The following SNTG1 variants were observed in gnomAD, a reference collection of about 807,000 sequenced individuals.
The protein encoded by SNTG1 is gamma-1-syntrophin.
SNTG1 carries 39 observed loss-of-function variants against 74.7 expected under a neutral mutation model. That is an observed-to-expected ratio of 0.52 (90% CI 0.40 to 0.68). The LOEUF (loss-of-function observed/expected upper bound fraction) is 0.68, where lower values mean the gene tolerates loss of function less well. Ranked by LOEUF, SNTG1 falls within the 30% of genes least tolerant of loss-of-function variation. The probability of loss-of-function intolerance (pLI) is 0.00; values close to 1 mark genes in which losing one functional copy is unlikely to be tolerated. For missense variants in SNTG1, 685 were observed against 609.5 expected (o/e 1.12, Z -1.30); for synonymous variants, 254 against 217.1 (o/e 1.17, Z -1.49).
intron 1 of SNTG1, among the ~76,000 whole-genome samples, chr8:50,170,892 A>C (rs1053452626): frequency 1.3e-5 from 2 of 152,164 alleles, no homozygotes; most frequent in African/African-American, 4.8e-5. Flanking sequence ...CCATCTCCAC[A>C]GGGCAGCCTC....
At chr8:50,581,400 T>A (rs763767676) in intron 12 of SNTG1, among the ~76,000 whole-genome samples, 3 of 152,210 alleles carry the variant, frequency 2.0e-5, no homozygotes, top group Non-Finnish European at 2.9e-5. Flanking sequence ...GAAATCAATT[T>A]AAATTTCATC....
intron 1 of SNTG1, among the ~76,000 whole-genome samples, chr8:50,072,436 A>G (rs1319951453): frequency 6.6e-6 from 1 of 152,202 alleles, no homozygotes; most frequent in African/African-American, 2.4e-5. Flanking sequence ...ACATTAAAAA[A>G]TTCTAAATTA....
chr8:50,005,493 T>C (rs893610809), intron 1 of SNTG1, among the ~76,000 whole-genome samples: 3 of 151,840 alleles, frequency 2.0e-5, no homozygotes, highest in Non-Finnish European at 2.9e-5. Flanking sequence ...TAATTGATCA[T>C]TTAGTTGCGT....
In SNTG1 at chr8:50,401,186, G is replaced by A. The variant is rs534479105; in HGVS notation, c.28-1024G>A. ...AAGAATGACTCAATAATTATTACAAGAAAATGTCATTTCCAAAGTGGTCAT... is the reference window on the plus strand; with the variant it reads ...AAGAATGACTCAATAATTATTACAAAAAAATGTCATTTCCAAAGTGGTCAT... On this transcript the variant is annotated intron_variant, in intron 3 of 18. Coordinates refer to ENST00000642720, the MANE Select transcript of SNTG1 (RefSeq NM_018967.5). Among the ~76,000 whole-genome samples, 31 of 152,154 alleles carry A rather than the reference G, an allele frequency of 2.0e-4. No homozygotes were observed. In the South Asian group the frequency reaches 3.9e-3, roughly 19 times the overall value.
At chr8:50,760,304 CT>C (rs1184404620) in intron 18 of SNTG1, among the ~76,000 whole-genome samples, 1 of 152,064 alleles carries the variant, frequency 6.6e-6, no homozygotes, top group Non-Finnish European at 1.5e-5. Flanking sequence ...AATATTTTGA[CT>C]TATTCTATTC....
intron 2 of SNTG1, among the ~76,000 whole-genome samples, chr8:50,237,971 T>C (rs2085991460): frequency 6.6e-6 from 1 of 152,140 alleles, no homozygotes; most frequent in Admixed American, 6.5e-5. Context: ...TACAACTTTT[T>C]GTTTTTAAGA....
rs1409550628 is a variant in SNTG1, at chr8:50,081,155, T to C, written c.-102-91406T>C. Among the ~76,000 whole-genome samples the C allele has an allele frequency of 1.3e-5, 2 of 152,192 alleles. 1 individual carries two copies. The highest frequency in any genetic ancestry group is 4.8e-5 in the African/African-American group (2 of 41,456). Reference sequence around the variant, plus strand: ...TTTAATTTTTTCTGTCAACTTGAATTCAGGGCTGCTAGCAACAGTTTTTTT... The same window carrying C: ...TTTAATTTTTTCTGTCAACTTGAATCCAGGGCTGCTAGCAACAGTTTTTTT... On this transcript the variant is annotated intron_variant, in intron 1 of 18. Transcript: ENST00000642720.
chr8:50,163,742 A>G (rs1265533132), intron 1 of SNTG1: 3 of 152,176 alleles, frequency 2.0e-5, no homozygotes, highest in African/African-American at 7.2e-5. Context: ...TCCACCTCCC[A>G]AAGTGCTGGG....
chr8:50,557,633 T>A (rs2094464164), intron 12 of SNTG1, among the ~76,000 whole-genome samples: 1 of 152,206 alleles, frequency 6.6e-6, no homozygotes. Flanking sequence ...GTGTGTCACT[T>A]ATCAGAACAC....
chr8:50,504,646 C>A (rs187872538), intron 9 of SNTG1, among the ~76,000 whole-genome samples: 8,129 of 152,010 alleles, frequency 0.053, 331 homozygotes, highest in South Asian at 0.18. Flanking sequence ...ACAAAAAAAC[C>A]CCAAAATAGC....
intron 1 of SNTG1, among the ~76,000 whole-genome samples, chr8:50,060,938 T>C (rs1353963770): frequency 2.0e-5 from 3 of 152,174 alleles, no homozygotes; most frequent in African/African-American, 7.2e-5. Flanking sequence ...CTTTATATAC[T>C]GTTGGATTCA....
intron 2 of SNTG1, chr8:50,380,865 G>C (rs1027812920): frequency 6.6e-6 from 1 of 152,142 alleles, no homozygotes; most frequent in Non-Finnish European, 1.5e-5. Flanking sequence ...TAATAGGCAA[G>C]ATCTCTAGAC....
chr8:50,126,883 G>T (rs1297103976), intron 1 of SNTG1, among the ~76,000 whole-genome samples: 1 of 152,128 alleles, frequency 6.6e-6, no homozygotes, highest in Non-Finnish European at 1.5e-5. Context: ...GTGAAGGTGA[G>T]TACCAGGTTC....
chr8:50,213,770 G>A (rs898100008), intron 2 of SNTG1, among the ~76,000 whole-genome samples: 7 of 151,886 alleles, frequency 4.6e-5, no homozygotes, highest in African/African-American at 9.7e-5. Flanking sequence ...ACCTTTTGAC[G>A]GGGTTGTCTG....
At chr8:50,326,378 A>C (rs1283757640) in intron 2 of SNTG1, among the ~76,000 whole-genome samples, 1 of 152,008 alleles carries the variant, frequency 6.6e-6, no homozygotes, top group African/African-American at 2.4e-5. Context: ...TAGATATAGG[A>C]CTATTCAGAA....
intron 15 of SNTG1, among the ~76,000 whole-genome samples, chr8:50,668,673 C>A (rs1209719190): frequency 1.3e-5 from 2 of 151,770 alleles, no homozygotes; most frequent in African/African-American, 2.4e-5. Flanking sequence ...TCAACAGGCC[C>A]TGATGTGTGT....
At chr8:50,418,517 A>G (rs1369215149) in intron 4 of SNTG1, among the ~76,000 whole-genome samples, 2 of 152,014 alleles carry the variant, frequency 1.3e-5, no homozygotes, top group African/African-American at 4.8e-5. Context: ...TTGCTCTTTC[A>G]GATGTCATCC....
chr8:50,194,130 T>A (rs938527119), intron 2 of SNTG1, among the ~76,000 whole-genome samples: 5 of 152,142 alleles, frequency 3.3e-5, no homozygotes, highest in Non-Finnish European at 5.9e-5. Context: ...TCTATAGTTT[T>A]CTTTTCAGTT....
intron 2 of SNTG1, among the ~76,000 whole-genome samples, chr8:50,274,907 C>T (rs544929157): frequency 1.1e-4 from 16 of 152,210 alleles, no homozygotes; most frequent in Admixed American, 6.5e-4. Flanking sequence ...AAATTCCACT[C>T]GGTAGTACTA....
Sources: allele counts gnomAD v4.1 joint callset (sites outside exome capture counted in the v4.1 genomes callset), GRCh38; gene constraint gnomAD v4.1.1; transcripts MANE v1.5; gene names NCBI Gene and HGNC (gene_info 2026-07-23, HGNC 2026-07-21).